RBM6: variants seen among roughly 807,000 people sequenced by gnomAD.
The protein encoded by RBM6 is RNA binding motif protein 6, also known as RNA-binding protein 6.
Under a neutral mutation model 140.4 loss-of-function variants are expected in RBM6, and 23 were observed. That is an observed-to-expected ratio of 0.16 (90% CI 0.12 to 0.23). RBM6 has a LOEUF of 0.23. Among genes scored for constraint, RBM6 ranks in the 10% least tolerant of loss-of-function variants. The probability of loss-of-function intolerance (pLI) is 1.00; values close to 1 mark genes in which losing one functional copy is unlikely to be tolerated. For synonymous variants in RBM6, 439 were observed against 475.6 expected (o/e 0.92, Z 1.00); for missense variants, 1,139 against 1,386.7 (o/e 0.82, Z 2.84).
intron 5 of RBM6, among the ~76,000 whole-genome samples, chr3:49,983,869 G>A (rs1019462075): frequency 1.3e-5 from 2 of 152,184 alleles, no homozygotes; most frequent in Non-Finnish European, 2.9e-5. Context: ...TGGACGCTTT[G>A]GCTGGCCTAG....
At chr3:50,028,764 G>A (rs191710667) in intron 6 of RBM6, among the ~76,000 whole-genome samples, 1 of 152,322 alleles carries the variant, frequency 6.6e-6, no homozygotes, top group African/African-American at 2.4e-5. Flanking sequence ...GGCAACATAT[G>A]ATGAGCTAAA....
At chr3:50,048,208 G>C in intron 6 of RBM6, 37 bp from the exon 7 acceptor site, 1 of 1,605,692 alleles carries the variant, frequency 6.2e-7, no homozygotes, top group Non-Finnish European at 8.5e-7. Flanking sequence ...GTTTCTCCAA[G>C]GGTTGATGTT....
chr3:50,022,322 GT>G, intron 6 of RBM6, among the ~76,000 whole-genome samples: 1 of 150,930 alleles, frequency 6.6e-6, no homozygotes, highest in East Asian at 1.9e-4. Flanking sequence ...TAATGATTTA[GT>G]TTTTCTTCTT....
At chr3:50,041,090 G>T (rs1284779622) in intron 6 of RBM6, among the ~76,000 whole-genome samples, 1 of 152,208 alleles carries the variant, frequency 6.6e-6, no homozygotes, top group African/African-American at 2.4e-5. Context: ...GCGTCATATA[G>T]TCTAAAACGT....
chr3:50,040,464 AAAAAAAAATAT>A lies in RBM6; in HGVS notation c.1558-7779_1558-7769del, dbSNP rs1444292185. Among the ~76,000 whole-genome samples the A allele has an allele frequency of 0.018, 954 of 51,946 alleles. 53 individuals are homozygous for A. In the East Asian group the frequency reaches 0.33, roughly 18 times the overall value. 34.1% of individuals were successfully genotyped at this position (51,946 alleles called of 152,430 possible). ...CCTTCTCAAAAAAAAAAAAAAAAAA[AAAAAAAAATAT>A]ATATATATATATATATATACACACA... On this transcript the variant is annotated intron_variant, in intron 6 of 20. Coordinates refer to ENST00000266022, the MANE Select transcript of RBM6 (RefSeq NM_005777.3).
intron 15 of RBM6, among the ~76,000 whole-genome samples, chr3:50,064,229 C>A (rs979366161): frequency 2.0e-5 from 3 of 152,166 alleles, no homozygotes; most frequent in Admixed American, 6.5e-5. Flanking sequence ...CTGCGCCCAG[C>A]CTTTTTTTCC....
chr3:50,071,909 C>A (rs1224199508), intron 19 of RBM6, among the ~76,000 whole-genome samples: 1 of 149,696 alleles, frequency 6.7e-6, no homozygotes, highest in African/African-American at 2.5e-5. Context: ...GATGGTGAAA[C>A]CCCTTCTCTA....
At chr3:50,023,950 G>A (rs1236465545) in intron 6 of RBM6, among the ~76,000 whole-genome samples, 3 of 151,982 alleles carry the variant, frequency 2.0e-5, no homozygotes, top group African/African-American at 7.2e-5. Context: ...TCCCAGCCGG[G>A]TGTGATATTT....
At chr3:50,068,583 C>G (rs947937326) in intron 17 of RBM6, 107 bp from the exon 18 acceptor site, 9 of 944,836 alleles carry the variant, frequency 9.5e-6, no homozygotes, top group Non-Finnish European at 1.5e-5. Flanking sequence ...TAGATCTGAT[C>G]AATCAAAAGA....
chr3:50,018,596 T>G lies in RBM6; in HGVS notation c.1557+19083T>G, dbSNP rs1003228584. Among the ~76,000 whole-genome samples, 420 of 135,358 alleles carry G rather than the reference T, an allele frequency of 3.1e-3. 3 individuals are homozygous for G. Among genetic ancestry groups the G allele is most frequent in the African/African-American group, 0.011 (397 of 35,890 alleles). 88.8% of individuals were successfully genotyped at this position (135,358 alleles called of 152,430 possible). ...GTAGGAGTGTGTTTTTTTTTTTTTT[T>G]TTTTTTTTTTTTTTTGACACGGAGC... is the stretch of plus-strand genomic sequence containing the variant. On this transcript the variant is annotated intron_variant, in intron 6 of 20. Coordinates refer to ENST00000266022, the MANE Select transcript of RBM6 (RefSeq NM_005777.3).
At chr3:50,063,445 CA>C (rs1025680297) in intron 15 of RBM6, among the ~76,000 whole-genome samples, 1 of 151,006 alleles carries the variant, frequency 6.6e-6, no homozygotes, top group Non-Finnish European at 1.5e-5. Context: ...ACCAAAAATA[CA>C]AAAAAAATTA....
At chr3:50,060,887 T>C in intron 11 of RBM6, 69 bp from the exon 12 acceptor site, 1 of 1,467,446 alleles carries the variant, frequency 6.8e-7, no homozygotes, top group Non-Finnish European at 9.1e-7. Context: ...CGATAGGAAC[T>C]GTAGGATTAA....
At chr3:49,986,312 T>C (rs943115449) in intron 5 of RBM6, among the ~76,000 whole-genome samples, 1 of 150,622 alleles carries the variant, frequency 6.6e-6, no homozygotes, top group Admixed American at 6.6e-5. Context: ...AAAATTAAAC[T>C]GGCCTGGTGC....
chr3:50,061,236 TTTTA>T lies in RBM6; in HGVS notation c.2353+19_2353+22del. 1 of 1,613,732 alleles carries T rather than the reference TTTTA, an allele frequency of 6.2e-7. No homozygotes were observed. The highest frequency in any genetic ancestry group is 8.5e-7 in the Non-Finnish European group (1 of 1,179,800). ...AGGACAACAGTGTAAGTAACCTTTG[TTTTA>T]TTTCTGTTGCTCTTTTTTGCTTGAC... On this transcript the variant is annotated intron_variant, in intron 13 of 20. Transcript: ENST00000266022.
intron 7 of RBM6, among the ~76,000 whole-genome samples, chr3:50,052,051 A>G (rs1337443986): frequency 6.6e-6 from 1 of 152,170 alleles, no homozygotes; most frequent in African/African-American, 2.4e-5. Context: ...CACATAAAAT[A>G]GGTAAACTTT....
chr3:50,048,043 C>T (rs2108879614), intron 6 of RBM6, among the ~76,000 whole-genome samples: 1 of 152,332 alleles, frequency 6.6e-6, no homozygotes, highest in African/African-American at 2.4e-5. Flanking sequence ...CCTTCTCGTA[C>T]TCCCCTTTCC....
chr3:50,026,412 G>A (rs1253394077), intron 6 of RBM6, among the ~76,000 whole-genome samples: 4 of 125,512 alleles, frequency 3.2e-5, no homozygotes, highest in Admixed American at 1.6e-4. Flanking sequence ...ACAGAATTTC[G>A]CCCAGTTGCC....
intron 6 of RBM6, among the ~76,000 whole-genome samples, chr3:50,015,342 A>G (rs959937333): frequency 5.3e-5 from 8 of 150,240 alleles, no homozygotes; most frequent in Non-Finnish European, 8.9e-5. Flanking sequence ...TCCTGACCTT[A>G]TGGTCTGCCC....
chr3:50,040,622 G>A (rs1349119403), intron 6 of RBM6, among the ~76,000 whole-genome samples: 1 of 149,472 alleles, frequency 6.7e-6, no homozygotes, highest in African/African-American at 2.5e-5. Flanking sequence ...TTATGTCAGG[G>A]TCTGGCTTGG....
Sources: gnomAD v4.1 joint callset for allele counts (sites outside exome capture counted in the v4.1 genomes callset) on GRCh38, gnomAD v4.1.1 for gene constraint, MANE v1.5 for transcripts, NCBI Gene and HGNC (gene_info 2026-07-23, HGNC 2026-07-21) for gene names.